Variants in NXT2 observed in about 807,000 individuals in gnomAD.
NXT2 encodes nuclear transport factor 2 like export factor 2.
Under a neutral mutation model 9.6 loss-of-function variants are expected in NXT2, and 1 was observed. The observed-to-expected ratio is 0.10, with a 90% CI of 0.04 to 0.49. The LOEUF is 0.49. Among genes scored for constraint, NXT2 ranks in the 20% least tolerant of loss-of-function variants. NXT2 has a pLI of 0.95. For synonymous variants in NXT2, 22 were observed against 35.4 expected (o/e 0.62, Z 1.34); for missense variants, 48 against 100.3 (o/e 0.48, Z 2.23).
chrX:109,544,640 A>G lies in NXT2; in HGVS notation c.*1952A>G, dbSNP rs1340753187. On this transcript the variant is annotated 3_prime_UTR_variant, in exon 4 of 4. Coordinates refer to ENST00000372106, the MANE Select transcript of NXT2 (RefSeq NM_001242617.2). ...ATAAGGACTAGACTGTATTTTTGAC[A>G]TGCTCCTATTTTTGTAACTTGAAAA... 8.9e-6 allele frequency: 1 copy of G among 112,834 alleles called. No homozygotes were observed. The highest frequency in any genetic ancestry group is 3.2e-5 in the African/African-American group (1 of 31,045). 9.3% of individuals were successfully genotyped at this position (112,834 alleles called of 1,213,427 possible). A position where few individuals can be genotyped will look rare whatever the true frequency, so the allele number is the denominator to read the frequency against.
chrX:109,539,867 A>G (rs12850412), intron 2 of NXT2, among the ~76,000 whole-genome samples: 1 of 111,886 alleles, frequency 8.9e-6, no homozygotes, highest in Non-Finnish European at 1.9e-5. Context: ...CCATTTGTCA[A>G]TTTTGGTTTT....
intron 2 of NXT2, among the ~76,000 whole-genome samples, chrX:109,538,746 T>G (rs1393369025): frequency 1.8e-5 from 2 of 111,271 alleles, no homozygotes; most frequent in Non-Finnish European, 3.8e-5. Flanking sequence ...GTCAAGTGAG[T>G]CTTGCCTAGG....
chrX:109,537,832 G>A (rs1043202562), intron 1 of NXT2, among the ~76,000 whole-genome samples: 1 of 112,109 alleles, frequency 8.9e-6, no homozygotes, highest in African/African-American at 3.2e-5. Context: ...AGAAGATTAT[G>A]TCCTAAAGAC....
chrX:109,535,833 T>TAGTC, upstream of NXT2: 1 of 955,734 alleles, frequency 1.0e-6, no homozygotes, highest in Non-Finnish European at 1.4e-6. Flanking sequence ...AAGCTTCCGT[T>TAGTC]AGTCCTACCT....
chrX:109,536,280 A>G (rs1933271782), upstream of NXT2, among the ~76,000 whole-genome samples: 1 of 112,716 alleles, frequency 8.9e-6, no homozygotes. Context: ...TTGTTAGAAT[A>G]CCTTGCAGAA....
chrX:109,538,063 G>C lies in NXT2; in HGVS notation c.34G>C (p.Asp12His). 2 of 1,198,186 alleles carry C rather than the reference G, an allele frequency of 1.7e-6. No homozygotes were observed. The highest frequency in any genetic ancestry group is 2.3e-6 in the Non-Finnish European group (2 of 883,656). ...CTTGTAGGATTTTAAAACTTATGTA[G>C]ATCAGGCATGTAGAGCTGCTGAGGA... ...ATSLDFKTYV[D>H]QACRAAEEFV... is the part of the protein sequence containing the mutation. The change falls in exon 2 of 4, where the codon GAT (aspartate) becomes CAT (histidine). Residue 12 changes from aspartate (D) to histidine (H), a missense_variant. By Grantham distance (81) the Asp-to-His change is moderately conservative. Coordinates refer to ENST00000372106, the MANE Select transcript of NXT2 (RefSeq NM_001242617.2).
At chrX:109,539,694 T>C (rs2147306933) in intron 2 of NXT2, among the ~76,000 whole-genome samples, 1 of 111,534 alleles carries the variant, frequency 9.0e-6, no homozygotes, top group African/African-American at 3.3e-5. Context: ...TCATATCCTT[T>C]GCCCACTTTT....
Position 109,541,461 on chromosome X carries a change from G to A in NXT2, c.103-14G>A. ...AGAATTATTTCCCTTTTTTAAATTT[G>A]TCTTTCTTTTTAGGCACTAACCAGG... On this transcript the variant is annotated splice_polypyrimidine_tract_variant and intron_variant, in intron 2 of 3. Coordinates refer to ENST00000372106, the MANE Select transcript of NXT2 (RefSeq NM_001242617.2). 1.7e-6 allele frequency: 2 copies of A among 1,154,644 alleles called. No homozygotes were observed. Among genetic ancestry groups the A allele is most frequent in the Non-Finnish European group, 2.3e-6 (2 of 860,785 alleles).
Position 109,537,192 on chromosome X carries a change from C to T in NXT2, c.15+171C>T, listed in dbSNP as rs896886033. 20 of 1,042,860 alleles carry T rather than the reference C, an allele frequency of 1.9e-5. No individual in the cohort carries two copies. The African/African-American group carries it at 3.3e-4, about 17-fold the overall frequency. 85.9% of individuals were successfully genotyped at this position (1,042,860 alleles called of 1,213,427 possible). On this transcript the variant is annotated intron_variant, in intron 1 of 3. Coordinates refer to ENST00000372106, the MANE Select transcript of NXT2 (RefSeq NM_001242617.2). ...TTGCTGCCCGCCCTGCCGGCCCCAC[C>T]CCCAGCCTGGTTAGCAGTCGCTTTC...
chrX:109,541,360 A>C, intron 2 of NXT2, 115 bp from the exon 3 acceptor site: 1 of 595,127 alleles, frequency 1.7e-6, no homozygotes, highest in Non-Finnish European at 2.5e-6. Context: ...GTGGAGATGA[A>C]GGTAGAACTA....
intron 1 of NXT2, 154 bp downstream of exon 1, chrX:109,537,175 C>T: frequency 3.8e-6 from 4 of 1,055,560 alleles, no homozygotes; most frequent in Non-Finnish European, 4.9e-6. Context: ...CTTTGCTGCC[C>T]GCCCTGCCGG....
chrX:109,544,220 A>G lies in NXT2; in HGVS notation c.*1532A>G, dbSNP rs1021785346. ...AAAAACTGTTTCTTTTCACTTAATT[A>G]TAAAACCAGTAATTCATTTACTCTT... is the stretch of plus-strand genomic sequence containing the variant. On this transcript the variant is annotated 3_prime_UTR_variant, in exon 4 of 4. Coordinates refer to ENST00000372106, the MANE Select transcript of NXT2 (RefSeq NM_001242617.2). 8.9e-6 allele frequency: 1 copy of G among 112,802 alleles called. No individual in the cohort carries two copies. The highest frequency in any genetic ancestry group is 3.2e-5 in the African/African-American group (1 of 31,050). 9.3% of individuals were successfully genotyped at this position (112,802 alleles called of 1,213,427 possible). A position where few individuals can be genotyped will look rare whatever the true frequency, so the allele number is the denominator to read the frequency against.
chrX:109,539,383 A>G, intron 2 of NXT2, among the ~76,000 whole-genome samples: 1 of 112,025 alleles, frequency 8.9e-6, no homozygotes, highest in Non-Finnish European at 1.9e-5. Context: ...CTTTGGGTAT[A>G]TACCCAGTAA....
chrX:109,537,581 T>TGG lies in NXT2; in HGVS notation c.16-463_16-462insGG, dbSNP rs756579717. 1.8e-4 allele frequency among the ~76,000 whole-genome samples: 20 copies of TGG among 111,304 alleles called. 3 individuals are homozygous for TGG. In the South Asian group the frequency reaches 2.3e-3, roughly 13 times the overall value. On this transcript the variant is annotated intron_variant, in intron 1 of 3. Transcript: ENST00000372106. ...TTTCGTGTGTGTGTGTGTGTGTGTG[T>TGG]GTGTGTGTTTCCCATTCATCAACTT...
At position 109,543,330 on chromosome X, in the gene NXT2, A is replaced by C. The variant is rs765169733; in HGVS notation, c.*642A>C. On this transcript the variant is annotated 3_prime_UTR_variant, in exon 4 of 4. Transcript: ENST00000372106. Reference sequence around the variant, plus strand: ...CAGTTGATATCTGAGTATTGGGTGCATTTGGTGGCTTAAAAGCAAAGCTTC... The same window carrying C: ...CAGTTGATATCTGAGTATTGGGTGCCTTTGGTGGCTTAAAAGCAAAGCTTC... 8.9e-6 allele frequency: 1 copy of C among 112,132 alleles called. No homozygotes were observed. Among genetic ancestry groups the C allele is most frequent in the East Asian group, 2.8e-4 (1 of 3,593 alleles). The allele number at this position is 112,132 out of a possible 1,213,427, so 9.2% of individuals were successfully genotyped here. A position where few individuals can be genotyped will look rare whatever the true frequency, so the allele number is the denominator to read the frequency against.
intron 3 of NXT2, 120 bp from the exon 4 acceptor site, chrX:109,542,387 A>G (rs1933438294): frequency 1.9e-6 from 1 of 524,538 alleles, no homozygotes; most frequent in Non-Finnish European, 2.9e-6. Flanking sequence ...CTCAAGGGAC[A>G]GAAAGTGTAT....
chrX:109,542,530 A>G lies in NXT2; in HGVS notation c.271A>G (p.Thr91Ala). Residue 91 changes from threonine (T) to alanine (A), a missense_variant, in exon 4 of 4, where the codon ACA (threonine) becomes GCA (alanine). Thr to Ala is a moderately conservative substitution (Grantham distance 58). Coordinates refer to ENST00000372106, the MANE Select transcript of NXT2 (RefSeq NM_001242617.2). ...AGAGCAAGCAACTCAGTCCCAAACTACAGTTCTTGTTGTGACCAGTGGAAC... is the reference window on the plus strand; with the variant it reads ...AGAGCAAGCAACTCAGTCCCAAACTGCAGTTCTTGTTGTGACCAGTGGAAC... Reference protein sequence around the residue: ...VHEQATQSQTTVLVVTSGTVK... With the variant: ...VHEQATQSQTAVLVVTSGTVK... 1 of 1,202,538 alleles carries G rather than the reference A, an allele frequency of 8.3e-7. No individual in the cohort carries two copies.
In NXT2 at chrX:109,543,647, T is replaced by A. The variant is rs41307411; in HGVS notation, c.*959T>A. ...TTTTAGATCTTTTTACTTCACCTCA[T>A]ACTTATCACCAATGTATATCTCCAT... On this transcript the variant is annotated 3_prime_UTR_variant, in exon 4 of 4. Transcript: ENST00000372106. 8.9e-6 allele frequency: 1 copy of A among 112,038 alleles called. No homozygotes were observed. The highest frequency in any genetic ancestry group is 9.5e-5 in the Admixed American group (1 of 10,499). 9.2% of individuals were successfully genotyped at this position (112,038 alleles called of 1,213,427 possible). A position where few individuals can be genotyped will look rare whatever the true frequency, so the allele number is the denominator to read the frequency against.
chrX:109,538,538 A>T (rs769495147), intron 2 of NXT2, among the ~76,000 whole-genome samples: 147 of 111,640 alleles, frequency 1.3e-3, no homozygotes, highest in African/African-American at 4.6e-3. Context: ...ATTACGGGGA[A>T]TATTTCCTGA....
Sources: gnomAD v4.1 joint callset for allele counts (sites outside exome capture counted in the v4.1 genomes callset) on GRCh38, gnomAD v4.1.1 for gene constraint, MANE v1.5 for transcripts, NCBI Gene and HGNC (gene_info 2026-07-23, HGNC 2026-07-21) for gene names.